KIF26B: variants seen among roughly 807,000 people sequenced by gnomAD.
KIF26B encodes the protein kinesin family member 26B.
A neutral mutation model predicts 151.2 loss-of-function variants in KIF26B; 63 were observed. The observed-to-expected ratio is 0.42, with a 90% CI of 0.34 to 0.51. The LOEUF (loss-of-function observed/expected upper bound fraction) is 0.51, where lower values mean the gene tolerates loss of function less well. KIF26B is among the 20% of genes least tolerant of loss of function. KIF26B has a pLI of 0.07. For missense variants in KIF26B, 2,813 were observed against 2,913.6 expected, an observed-to-expected ratio of 0.97 and a Z score of 0.79; for synonymous variants, 1,357 against 1,262.1, an observed-to-expected ratio of 1.08 and a Z score of -1.59.
chr1:245,491,962 C>T (rs988093234), intron 4 of KIF26B, among the ~76,000 whole-genome samples: 26 of 151,990 alleles, frequency 1.7e-4, no homozygotes, highest in African/African-American at 6.0e-4. Flanking sequence ...CAGATCTTAC[C>T]TCCTGTGTAA....
chr1:245,199,690 C>T lies in KIF26B; in HGVS notation c.465+43007C>T, dbSNP rs1240446139. Among the ~76,000 whole-genome samples the T allele has an allele frequency of 2.0e-5, 3 of 152,240 alleles. No individual in the cohort carries two copies. In the East Asian group the frequency reaches 5.8e-4, roughly 29 times the overall value. The stretch of plus-strand genomic sequence containing the variant: ...TAGAGATGGGGTTTCACCATGTTGG[C>T]CAGGCTTGGTCGCAAACTCCTGGCC... On this transcript the variant is annotated intron_variant, in intron 2 of 14. Transcript: ENST00000407071.
intron 14 of KIF26B, among the ~76,000 whole-genome samples, chr1:245,701,073 A>C (rs1031836864): frequency 1.3e-5 from 2 of 152,236 alleles, no homozygotes; most frequent in African/African-American, 4.8e-5. Flanking sequence ...AACAAGCTGA[A>C]ACATCAATAC....
At chr1:245,610,373 C>G (rs1185882695) in intron 8 of KIF26B, among the ~76,000 whole-genome samples, 1 of 152,180 alleles carries the variant, frequency 6.6e-6, no homozygotes, top group South Asian at 2.1e-4. Flanking sequence ...CATCTGTCAC[C>G]TCGAGGACTT....
chr1:245,640,122 G>GCTCGCTCGCTCTCTCTCTCTCTCTCT (rs1553299289), intron 9 of KIF26B, among the ~76,000 whole-genome samples: 1 of 53,984 alleles, frequency 1.9e-5, no homozygotes, highest in Non-Finnish European at 3.6e-5. Flanking sequence ...ACTAATATTT[G>GCTCGCTCGCTCTCTCTCTCTCTCTCT]CTCTCTCTCT....
At chr1:245,450,679 T>C (rs1199268247) in intron 4 of KIF26B, among the ~76,000 whole-genome samples, 1 of 152,186 alleles carries the variant, frequency 6.6e-6, no homozygotes, top group African/African-American at 2.4e-5. Context: ...GCGTATTCTG[T>C]GGTAGGATTT....
At chr1:245,673,357 CATCTTA>C (rs2044317952) in intron 10 of KIF26B, among the ~76,000 whole-genome samples, 1 of 117,830 alleles carries the variant, frequency 8.5e-6, no homozygotes, top group Non-Finnish European at 1.8e-5. Context: ...TGCGCGCTGC[CATCTTA>C]GGCCCAGTCC....
chr1:245,590,787 C>A (rs191034212), intron 5 of KIF26B, among the ~76,000 whole-genome samples: 3 of 151,708 alleles, frequency 2.0e-5, no homozygotes, highest in African/African-American at 7.3e-5. Context: ...ATGTGTGCGT[C>A]ATCCTAGCTA....
chr1:245,675,370 T>C (rs1003052614), intron 10 of KIF26B, among the ~76,000 whole-genome samples: 1 of 152,216 alleles, frequency 6.6e-6, no homozygotes, highest in Non-Finnish European at 1.5e-5. Context: ...AATCACATGG[T>C]TGATCCTTCT....
intron 3 of KIF26B, among the ~76,000 whole-genome samples, chr1:245,408,353 T>C (rs866693140): frequency 0.069 from 6,914 of 100,932 alleles, 229 homozygotes; most frequent in African/African-American, 0.23. Flanking sequence ...ATGATTCTTT[T>C]TTTTTTTTTT....
chr1:245,208,928 G>A (rs1669459653), intron 2 of KIF26B, among the ~76,000 whole-genome samples: 1 of 152,172 alleles, frequency 6.6e-6, no homozygotes, highest in South Asian at 2.1e-4. Context: ...GTGGCCATCG[G>A]CTCTGTGTTG....
chr1:245,408,375 AAC>A (rs1441273069), intron 3 of KIF26B, among the ~76,000 whole-genome samples: 1 of 125,026 alleles, frequency 8.0e-6, no homozygotes, highest in Non-Finnish European at 1.7e-5. Context: ...TTTTTTTTGA[AAC>A]ACAGTCTTGC....
At chr1:245,303,043 G>A (rs1276733707) in intron 2 of KIF26B, among the ~76,000 whole-genome samples, 1 of 148,818 alleles carries the variant, frequency 6.7e-6, no homozygotes, top group East Asian at 2.0e-4. Flanking sequence ...CATTTACATG[G>A]TGATTAGAAA....
intron 9 of KIF26B, among the ~76,000 whole-genome samples, chr1:245,624,537 C>T (rs755661178): frequency 7.9e-5 from 12 of 152,214 alleles, no homozygotes; most frequent in Admixed American, 2.6e-4. Context: ...TCCTTCTACA[C>T]GCCCATTCGG....
At chr1:245,202,342 C>G (rs947257201) in intron 2 of KIF26B, among the ~76,000 whole-genome samples, 119 of 152,336 alleles carry the variant, frequency 7.8e-4, no homozygotes, top group African/African-American at 2.7e-3. Flanking sequence ...ACAGACTAAT[C>G]AGGTTTAGTG....
At chr1:245,294,894 C>G (rs896482939) in intron 2 of KIF26B, among the ~76,000 whole-genome samples, 1 of 152,158 alleles carries the variant, frequency 6.6e-6, no homozygotes, top group Non-Finnish European at 1.5e-5. Context: ...AACTCCTGAT[C>G]TCAAGTGATC....
At chr1:245,647,639 A>C in intron 10 of KIF26B, among the ~76,000 whole-genome samples, 1 of 152,128 alleles carries the variant, frequency 6.6e-6, no homozygotes, top group African/African-American at 2.4e-5. Flanking sequence ...AAACCCTACA[A>C]AACCTACGTT....
intron 10 of KIF26B, among the ~76,000 whole-genome samples, chr1:245,678,838 G>T (rs963476034): frequency 3.3e-5 from 5 of 151,700 alleles, no homozygotes; most frequent in East Asian, 1.9e-4. Flanking sequence ...ACTCCAGCCC[G>T]GGTGACAGGG....
At chr1:245,157,902 T>C (rs1668472721) in intron 2 of KIF26B, among the ~76,000 whole-genome samples, 1 of 152,274 alleles carries the variant, frequency 6.6e-6, no homozygotes, top group South Asian at 2.1e-4. Flanking sequence ...TCAATATTCA[T>C]TGATTTTCTA....
chr1:245,546,899 T>G (rs1321995022), intron 5 of KIF26B, among the ~76,000 whole-genome samples: 1 of 152,240 alleles, frequency 6.6e-6, no homozygotes, highest in African/African-American at 2.4e-5. Context: ...GGGTGGTGGT[T>G]GTTTTCCCTT....
Sources: allele counts gnomAD v4.1 joint callset (sites outside exome capture counted in the v4.1 genomes callset), GRCh38; gene constraint gnomAD v4.1.1; transcripts MANE v1.5; gene names NCBI Gene and HGNC (gene_info 2026-07-23, HGNC 2026-07-21).